Variants in DSCAML1 observed in about 807,000 individuals in gnomAD.
DSCAML1 encodes the protein DS cell adhesion molecule like 1.
In DSCAML1, 38 loss-of-function variants were observed where a neutral mutation model predicts 200.5. The observed-to-expected ratio is 0.19, with a 90% CI of 0.15 to 0.25. DSCAML1 has a LOEUF of 0.25. Among genes scored for constraint, DSCAML1 ranks in the 10% least tolerant of loss-of-function variants. The pLI is 1.00. For missense variants in DSCAML1, 2,223 were observed against 2,858.8 expected, an observed-to-expected ratio of 0.78 and a Z score of 5.07; for synonymous variants, 1,215 against 1,165.0, an observed-to-expected ratio of 1.04 and a Z score of -0.87.
At chr11:117,445,948 A>G (rs1389183259) in intron 20 of DSCAML1, among the ~76,000 whole-genome samples, 2 of 152,260 alleles carry the variant, frequency 1.3e-5, no homozygotes, top group Non-Finnish European at 2.9e-5. Context: ...GCAAGCTATG[A>G]AAGAAGAAAC....
chr11:117,530,286 A>G (rs1211872905), intron 4 of DSCAML1, among the ~76,000 whole-genome samples: 4 of 152,172 alleles, frequency 2.6e-5, no homozygotes, highest in African/African-American at 9.7e-5. Flanking sequence ...AGGTCCACCC[A>G]GGAGACTAGA....
At chr11:117,640,726 G>GC (rs888986598) in intron 3 of DSCAML1, among the ~76,000 whole-genome samples, 1 of 152,062 alleles carries the variant, frequency 6.6e-6, no homozygotes, top group Non-Finnish European at 1.5e-5. Flanking sequence ...GTCAATCCCA[G>GC]CCCCTCACTG....
At chr11:117,565,525 C>T (rs2050741758) in intron 3 of DSCAML1, among the ~76,000 whole-genome samples, 1 of 152,196 alleles carries the variant, frequency 6.6e-6, no homozygotes, top group Admixed American at 6.5e-5. Context: ...GACTCATTGT[C>T]TGTCTCTTCC....
intron 3 of DSCAML1, among the ~76,000 whole-genome samples, chr11:117,546,918 G>T (rs2050382766): frequency 6.6e-6 from 1 of 152,126 alleles, no homozygotes; most frequent in Non-Finnish European, 1.5e-5. Flanking sequence ...TACACACACT[G>T]CAGATTGGGC....
In DSCAML1 at chr11:117,631,502, G is replaced by C. The variant is rs533970109; in HGVS notation, c.512-98980C>G. Among the ~76,000 whole-genome samples, 13 of 152,340 alleles carry C rather than the reference G, an allele frequency of 8.5e-5. No individual in the cohort carries two copies. In the East Asian group the frequency reaches 2.5e-3, roughly 29 times the overall value. Reference sequence around the variant, plus strand: ...CTCCATGGGATCCTAGAACTTTCTGGGGCCTAGCTCTCCGGGGAGATCAGA... The same window carrying C: ...CTCCATGGGATCCTAGAACTTTCTGCGGCCTAGCTCTCCGGGGAGATCAGA... On this transcript the variant is annotated intron_variant, in intron 3 of 32. Transcript: ENST00000651296.
intron 8 of DSCAML1, among the ~76,000 whole-genome samples, chr11:117,512,367 G>A (rs948392716): frequency 1.3e-5 from 2 of 152,138 alleles, no homozygotes; most frequent in East Asian, 3.9e-4. Context: ...TTGGAACAGC[G>A]CATCCGCTAA....
At chr11:117,728,838 T>C (rs2054175101) in intron 3 of DSCAML1, among the ~76,000 whole-genome samples, 1 of 152,200 alleles carries the variant, frequency 6.6e-6, no homozygotes, top group African/African-American at 2.4e-5. Flanking sequence ...CAAAAAGTCT[T>C]AATACTGTAA....
intron 3 of DSCAML1, among the ~76,000 whole-genome samples, chr11:117,687,075 G>A (rs1407440798): frequency 6.6e-6 from 1 of 152,132 alleles, no homozygotes; most frequent in Non-Finnish European, 1.5e-5. Flanking sequence ...ATGTCTACAT[G>A]CAGAATGTGG....
intron 3 of DSCAML1, among the ~76,000 whole-genome samples, chr11:117,743,477 C>A (rs1284195142): frequency 6.6e-6 from 1 of 152,198 alleles, no homozygotes; most frequent in Non-Finnish European, 1.5e-5. Context: ...CCCTCTGTCC[C>A]CCCAAGCTCC....
chr11:117,486,448 T>TGGGAAAGTGGCGG, intron 11 of DSCAML1, among the ~76,000 whole-genome samples: 2 of 152,044 alleles, frequency 1.3e-5, no homozygotes, highest in Non-Finnish European at 2.9e-5. Context: ...AAGTGGCAGA[T>TGGGAAAGTGGCGG]ATGAAAGTAG....
intron 3 of DSCAML1, among the ~76,000 whole-genome samples, chr11:117,587,571 T>A (rs939576828): frequency 6.6e-6 from 1 of 152,008 alleles, no homozygotes; most frequent in East Asian, 1.9e-4. Flanking sequence ...AAGAGATGAG[T>A]CGGGCCGATG....
chr11:117,581,380 G>A (rs1004192874), intron 3 of DSCAML1, among the ~76,000 whole-genome samples: 2 of 152,058 alleles, frequency 1.3e-5, no homozygotes, highest in Non-Finnish European at 1.5e-5. Flanking sequence ...TGAAAGGTCT[G>A]ACATACCACC....
At chr11:117,477,026 T>A (rs553769605) in intron 14 of DSCAML1, among the ~76,000 whole-genome samples, 1 of 152,112 alleles carries the variant, frequency 6.6e-6, no homozygotes, top group Non-Finnish European at 1.5e-5. Context: ...CAAATCCTCA[T>A]GGCCACCCTG....
chr11:117,644,642 C>T (rs1221390513), intron 3 of DSCAML1, among the ~76,000 whole-genome samples: 1 of 152,226 alleles, frequency 6.6e-6, no homozygotes, highest in Non-Finnish European at 1.5e-5. Context: ...TTGTAGCTGT[C>T]AGGGAGAAGC....
intron 1 of DSCAML1, among the ~76,000 whole-genome samples, chr11:117,790,182 C>T (rs935526334): frequency 3.3e-5 from 5 of 152,228 alleles, no homozygotes; most frequent in Non-Finnish European, 7.3e-5. Flanking sequence ...AATGAGGTCA[C>T]ATAAGATGGG....
chr11:117,685,584 G>A (rs2053389504), intron 3 of DSCAML1, among the ~76,000 whole-genome samples: 1 of 152,162 alleles, frequency 6.6e-6, no homozygotes, highest in Non-Finnish European at 1.5e-5. Flanking sequence ...TCCAGCACGG[G>A]TGCCTACAAA....
At chr11:117,656,106 CG>C (rs1159179241) in intron 3 of DSCAML1, among the ~76,000 whole-genome samples, 1 of 152,192 alleles carries the variant, frequency 6.6e-6, no homozygotes, top group Admixed American at 6.5e-5. Flanking sequence ...GGCGTGGTGG[CG>C]TACGCCTGTA....
rs1381143446 is a variant in DSCAML1 at position 117,428,534 on chromosome 11, G to A, written c.5956C>T (p.Pro1986Ser). ...MPAPPAGTAP[P>S]APGPTPAEPP... is the part of the protein sequence containing the mutation. ...TCAGCAGGGGTGGGGCCGGGGGCTGGGGGGGCTGTGCCGGCTGGGGGGGCT... is the reference window on the plus strand; with the variant it reads ...TCAGCAGGGGTGGGGCCGGGGGCTGAGGGGGCTGTGCCGGCTGGGGGGGCT... Residue 1986 changes from proline to serine, a missense_variant, in exon 33 of 33, where the codon CCA (proline) becomes TCA (serine). Coordinates refer to ENST00000651296, the MANE Select transcript of DSCAML1 (RefSeq NM_020693.4). The A allele has an allele frequency of 2.6e-5, 40 of 1,511,576 alleles. No homozygotes were observed. The Admixed American group carries it at 7.2e-4, about 27-fold the overall frequency. The allele number at this position is 1,511,576 out of a possible 1,614,324, so 93.6% of individuals were successfully genotyped here.
intron 3 of DSCAML1, among the ~76,000 whole-genome samples, chr11:117,647,344 G>C (rs916947534): frequency 7.2e-5 from 11 of 152,334 alleles, no homozygotes; most frequent in African/African-American, 2.4e-4. Context: ...GGCAGTGTTG[G>C]GGTGGTCTGT....
Sources: gnomAD v4.1 joint callset for allele counts (sites outside exome capture counted in the v4.1 genomes callset) on GRCh38, gnomAD v4.1.1 for gene constraint, MANE v1.5 for transcripts, NCBI Gene and HGNC (gene_info 2026-07-23, HGNC 2026-07-21) for gene names.